Variants in NPFFR1 observed in about 807,000 individuals in gnomAD.
The protein encoded by NPFFR1 is neuropeptide FF receptor 1.
A neutral mutation model predicts 12.7 loss-of-function variants in NPFFR1; 17 were observed. That is an observed-to-expected ratio of 1.34 (90% CI 0.92 to 2.01). The LOEUF (loss-of-function observed/expected upper bound fraction) is 2.01, where lower values mean the gene tolerates loss of function less well. Ranked by LOEUF, NPFFR1 falls within the 30% of genes most tolerant of loss-of-function variation. The probability of loss-of-function intolerance (pLI) is 0.00; values close to 1 mark genes in which losing one functional copy is unlikely to be tolerated. For missense variants in NPFFR1, 604 were observed against 606.5 expected, an observed-to-expected ratio of 1.00 and a Z score of 0.04; for synonymous variants, 296 against 264.5, an observed-to-expected ratio of 1.12 and a Z score of -1.16.
intron 1 of NPFFR1, among the ~76,000 whole-genome samples, chr10:70,267,812 AG>A (rs1260644988): frequency 6.6e-6 from 1 of 152,192 alleles, no homozygotes; most frequent in Admixed American, 6.5e-5. Context: ...TCAGAGGAGC[AG>A]GGCCAGCGAG....
At chr10:70,275,420 T>C (rs1589915811) in intron 1 of NPFFR1, among the ~76,000 whole-genome samples, 2 of 152,098 alleles carry the variant, frequency 1.3e-5, no homozygotes, top group African/African-American at 4.8e-5. Context: ...GAGGGGAAAG[T>C]AAAGGGGAGG....
chr10:70,273,373 C>A (rs1157245652), intron 1 of NPFFR1, among the ~76,000 whole-genome samples: 4 of 152,210 alleles, frequency 2.6e-5, no homozygotes, highest in Admixed American at 6.5e-5. Flanking sequence ...TCATCAAATT[C>A]TTTAAGACTC....
At chr10:70,263,056 A>G (rs1379992870) in intron 2 of NPFFR1, among the ~76,000 whole-genome samples, 1 of 152,120 alleles carries the variant, frequency 6.6e-6, no homozygotes, top group Non-Finnish European at 1.5e-5. Context: ...AGTCCCAGCT[A>G]CTGGGGAGGC....
chr10:70,281,925 C>A lies in NPFFR1; in HGVS notation c.7+1745G>T, dbSNP rs56158935. 8.1e-3 allele frequency among the ~76,000 whole-genome samples: 1,228 copies of A among 152,264 alleles called. 2 individuals are homozygous for A. Among genetic ancestry groups the A allele is most frequent in the Non-Finnish European group, 0.012 (790 of 68,032 alleles). On this transcript the variant is annotated intron_variant, in intron 1 of 3. Transcript: ENST00000277942. ...AGTGCGTTGTTGTCTCCTAAGTGTA[C>A]ACTGTGTTTGGTCATTTCTTCTGGA... is the stretch of plus-strand genomic sequence containing the variant.
chr10:70,272,750 C>G (rs759903176), intron 1 of NPFFR1, among the ~76,000 whole-genome samples: 1 of 152,124 alleles, frequency 6.6e-6, no homozygotes, highest in Admixed American at 6.5e-5. Flanking sequence ...TCTTCGCAGT[C>G]GAGGCACATC....
chr10:70,263,666 G>C (rs1840657901), intron 2 of NPFFR1, among the ~76,000 whole-genome samples: 2 of 152,012 alleles, frequency 1.3e-5, no homozygotes, highest in African/African-American at 4.8e-5. Flanking sequence ...AGTGGAATAG[G>C]TATATAGAAG....
At chr10:70,264,220 A>G (rs1267242589) in intron 2 of NPFFR1, among the ~76,000 whole-genome samples, 1 of 152,024 alleles carries the variant, frequency 6.6e-6, no homozygotes, top group African/African-American at 2.4e-5. Context: ...CTAAAAATAC[A>G]AAAATTAGCT....
chr10:70,254,744 C>T lies in NPFFR1; in HGVS notation c.*213G>A, dbSNP rs1230561027. The T allele has an allele frequency of 4.4e-6, 2 of 452,614 alleles. No homozygotes were observed. The highest frequency in any genetic ancestry group is 7.4e-6 in the Non-Finnish European group (2 of 271,772). The allele number at this position is 452,614 out of a possible 1,614,324, so 28.0% of individuals were successfully genotyped here. A position where few individuals can be genotyped will look rare whatever the true frequency, so the allele number is the denominator to read the frequency against. ...GATGATGTTTGTCAAGCCCACCACA[C>T]AGGGCAAGTTGGTTCCTTCCCGTCC... On this transcript the variant is annotated 3_prime_UTR_variant, in exon 4 of 4. Coordinates refer to ENST00000277942, the MANE Select transcript of NPFFR1 (RefSeq NM_022146.5).
chr10:70,265,147 T>C (rs1840676472), intron 2 of NPFFR1, among the ~76,000 whole-genome samples: 4 of 152,308 alleles, frequency 2.6e-5, no homozygotes, highest in Admixed American at 2.6e-4. Flanking sequence ...CTCCACATCC[T>C]GGGTCCTAGA....
rs1840495067 is a variant in NPFFR1 at position 70,250,042 on chromosome 10, C to G, written c.*4915G>C. ...TCTCGTGTCTCAGCCTCCCAAGTAG[C>G]TGGGACTACAGGTGTGTGCCACCAT... On this transcript the variant is annotated 3_prime_UTR_variant, in exon 4 of 4. Transcript: ENST00000277942. 6.6e-6 allele frequency: 1 copy of G among 151,844 alleles called. No homozygotes were observed. Among genetic ancestry groups the G allele is most frequent in the East Asian group, 1.9e-4 (1 of 5,150 alleles). 9.4% of individuals were successfully genotyped at this position (151,844 alleles called of 1,614,324 possible).
intron 1 of NPFFR1, among the ~76,000 whole-genome samples, chr10:70,272,684 A>C (rs1840762936): frequency 6.6e-6 from 1 of 152,248 alleles, no homozygotes; most frequent in African/African-American, 2.4e-5. Flanking sequence ...AATAAGGGCC[A>C]GAGCATGGAT....
intron 1 of NPFFR1, among the ~76,000 whole-genome samples, chr10:70,271,377 G>C (rs550429189): frequency 6.6e-6 from 1 of 152,186 alleles, no homozygotes; most frequent in South Asian, 2.1e-4. Context: ...GCCAGATGTG[G>C]TGGTGCGTGC....
chr10:70,269,464 C>A (rs954900348), intron 1 of NPFFR1, among the ~76,000 whole-genome samples: 3 of 151,802 alleles, frequency 2.0e-5, no homozygotes, highest in Non-Finnish European at 4.4e-5. Flanking sequence ...CAGCTTTTAA[C>A]ATAATATTTT....
At position 70,266,980 on chromosome 10, in the gene NPFFR1, G is replaced by C. The variant is rs543960842; in HGVS notation, c.8-589C>G. ...TTGCACTCAATGGTAACAGCTTCCT[G>C]TGGTTGTGAGTCCCTGGGTGCTTCA... On this transcript the variant is annotated intron_variant, in intron 1 of 3. Coordinates refer to ENST00000277942, the MANE Select transcript of NPFFR1 (RefSeq NM_022146.5). Among the ~76,000 whole-genome samples, 6 of 152,314 alleles carry C rather than the reference G, an allele frequency of 3.9e-5. 1 individual carries two copies. The East Asian group carries it at 1.2e-3, about 29-fold the overall frequency.
rs765702868 is a variant in NPFFR1, at chr10:70,266,162, G to A, written c.237C>T (p.Asn79=). Residue 79 remains asparagine, a synonymous_variant, in exon 2 of 4, where the codon AAC becomes AAT. Coordinates refer to ENST00000277942, the MANE Select transcript of NPFFR1 (RefSeq NM_022146.5). Reference sequence around the variant, plus strand: ...TGACAGCCAGGTTGAGGATGAACATGTTGGTGACAGTATGCATGTGCCGGT... The same window carrying A: ...TGACAGCCAGGTTGAGGATGAACATATTGGTGACAGTATGCATGTGCCGGT... ...LKNRHMHTVT[N]MFILNLAVSD... The A allele has an allele frequency of 2.0e-5, 33 of 1,613,926 alleles. No individual in the cohort carries two copies. In the Admixed American group the frequency reaches 3.7e-4, roughly 18 times the overall value.
chr10:70,280,312 A>G (rs892227760), intron 1 of NPFFR1, among the ~76,000 whole-genome samples: 2 of 152,236 alleles, frequency 1.3e-5, no homozygotes, highest in Admixed American at 1.3e-4. Flanking sequence ...ACTATTCTCC[A>G]TAATGACTGT....
Position 70,255,566 on chromosome 10 carries a change from C to A in NPFFR1, c.684G>T (p.Pro228=). The change falls in exon 4 of 4, where the codon CCG becomes CCT. Residue 228 remains proline (P), a synonymous_variant. Transcript: ENST00000277942. This position sits in a 1 kb window ranked among gnomAD's most constrained non-coding sequence, Gnocchi z 4.2. ...TVLFSHIYLA[P]LALIVVMYAR... Reference sequence around the variant, plus strand: ...CGTACATGACCACGATGAGCGCCAGCGGCGCCAGGTAGATGTGCGAGAAGA... The same window carrying A: ...CGTACATGACCACGATGAGCGCCAGAGGCGCCAGGTAGATGTGCGAGAAGA... 1 of 1,551,074 alleles carries A rather than the reference C, an allele frequency of 6.4e-7. No individual in the cohort carries two copies. Among genetic ancestry groups the A allele is most frequent in the Non-Finnish European group, 8.7e-7 (1 of 1,147,090 alleles).
At chr10:70,256,280 C>T (rs1840572248) in intron 3 of NPFFR1, among the ~76,000 whole-genome samples, 1 of 152,164 alleles carries the variant, frequency 6.6e-6, no homozygotes, top group South Asian at 2.1e-4. Flanking sequence ...TGAGGTCTCA[C>T]TGTGTTGCCC....
rs757892436 is a variant in NPFFR1, at chr10:70,266,246, C to T, written c.153G>A (p.Ala51=). Reference sequence around the variant, plus strand: ...CCACCATGCAGAGCAGGAAGATGAGCGCATAGGCCACAATGAACATGGCCG... The same window carrying T: ...CCACCATGCAGAGCAGGAAGATGAGTGCATAGGCCACAATGAACATGGCCG... The part of the protein sequence containing the change: ...PVAAMFIVAY[A]LIFLLCMVGN... The change falls in exon 2 of 4, where the codon GCG becomes GCA. Residue 51 remains alanine, a synonymous_variant. Transcript: ENST00000277942. 1.8e-5 allele frequency: 29 copies of T among 1,613,814 alleles called. No individual in the cohort carries two copies. The highest frequency in any genetic ancestry group is 1.7e-4 in the Admixed American group (10 of 59,994).
Sources: gnomAD v4.1 joint callset for allele counts (sites outside exome capture counted in the v4.1 genomes callset) on GRCh38, gnomAD v4.1.1 for gene constraint, Gnocchi (gnomAD v3.1) non-coding constraint, MANE v1.5 for transcripts, NCBI Gene and HGNC (gene_info 2026-07-23, HGNC 2026-07-21) for gene names.